Variants in IQANK1 observed in about 807,000 individuals in gnomAD.
IQANK1 encodes the protein IQ motif and ankyrin repeat domain-containing protein 1.
IQANK1 carries 30 observed loss-of-function variants against 22.6 expected under a neutral mutation model. The ratio of observed to expected loss-of-function variants is 1.33; its 90% CI spans 0.99 to 1.80. IQANK1 has a LOEUF of 1.80. Among genes scored for constraint, IQANK1 ranks in the 40% most tolerant of loss-of-function variants. The probability of loss-of-function intolerance (pLI) is 0.00; values close to 1 mark genes in which losing one functional copy is unlikely to be tolerated. For missense variants in IQANK1, 275 were observed against 235.2 expected (o/e 1.17, Z -1.11); for synonymous variants, 122 against 99.6 (o/e 1.23, Z -1.34).
At chr8:143,768,148 G>T (rs920396178) in intron 3 of IQANK1, among the ~76,000 whole-genome samples, 5 of 151,820 alleles carry the variant, frequency 3.3e-5, no homozygotes, top group African/African-American at 4.8e-5. Context: ...CTCCCAAAGT[G>T]CTGGGGTTAC....
At chr8:143,749,324 A>G (rs1819132996) in intron 3 of IQANK1, among the ~76,000 whole-genome samples, 1 of 54,112 alleles carries the variant, frequency 1.8e-5, no homozygotes, top group South Asian at 9.9e-4. Context: ...ATATATATAA[A>G]AATATATAAA....
intron 3 of IQANK1, among the ~76,000 whole-genome samples, chr8:143,749,219 TATATAA>T (rs572154552): frequency 0.054 from 6,644 of 123,584 alleles, 375 homozygotes; most frequent in African/African-American, 0.15. Flanking sequence ...ATATATATCA[TATATAA>T]ATATATACCT....
intron 3 of IQANK1, among the ~76,000 whole-genome samples, chr8:143,747,230 G>A (rs61646869): frequency 0.02 from 3,020 of 152,106 alleles, 94 homozygotes; most frequent in African/African-American, 0.061. Flanking sequence ...TTTTATTTCT[G>A]GTCTTGTAAA....
At chr8:143,789,655 C>T (rs1819980628) in intron 10 of IQANK1, 106 bp from the exon 11 acceptor site, 26 of 1,209,746 alleles carry the variant, frequency 2.1e-5, no homozygotes, top group South Asian at 4.2e-5. Flanking sequence ...AGTCACCAGC[C>T]GACAGTGGCC....
Position 143,771,462 on chromosome 8 carries a change from C to A in IQANK1, c.176-26C>A. 7.6e-6 allele frequency: 3 copies of A among 397,292 alleles called. No homozygotes were observed. The East Asian group carries it at 1.1e-4, about 14-fold the overall frequency. The allele number at this position is 397,292 out of a possible 1,614,324, so 24.6% of individuals were successfully genotyped here. A position where few individuals can be genotyped will look rare whatever the true frequency, so the allele number is the denominator to read the frequency against. On this transcript the variant is annotated intron_variant, in intron 3 of 13. Coordinates refer to ENST00000527139, the MANE Select transcript of IQANK1 (RefSeq NM_001381874.1). This position sits in a 1 kb window ranked among gnomAD's most constrained non-coding sequence, Gnocchi z 6.0. ...AGGCGTGGCTGGAGGCGAGAACGCG[C>A]CCCCGTGAGCCTCTCCCCACCCCAG... is the stretch of plus-strand genomic sequence containing the variant.
intron 1 of IQANK1, among the ~76,000 whole-genome samples, chr8:143,734,985 C>A (rs1818691463): frequency 6.6e-6 from 1 of 152,192 alleles, no homozygotes; most frequent in Admixed American, 6.5e-5. Flanking sequence ...CTCGCCCCTG[C>A]CACTCCCACC....
chr8:143,776,193 C>T (rs374368531), intron 7 of IQANK1, among the ~76,000 whole-genome samples: 22 of 151,576 alleles, frequency 1.5e-4, no homozygotes, highest in South Asian at 6.3e-4. Context: ...TGGTGGCGGG[C>T]GCCTGTAGTC....
rs946818410 is a variant in IQANK1 at position 143,790,045 on chromosome 8, C to T, written c.1270C>T (p.Arg424Cys). 93 of 1,232,004 alleles carry T rather than the reference C, an allele frequency of 7.5e-5. No individual in the cohort carries two copies. Among genetic ancestry groups the T allele is most frequent in the Non-Finnish European group, 9.0e-5 (89 of 988,030 alleles). The allele number at this position is 1,232,004 out of a possible 1,614,324, so 76.3% of individuals were successfully genotyped here. The change falls in exon 12 of 14, where the codon CGC becomes TGC. Residue 424 changes from arginine (R) to cysteine (C), a missense_variant. Transcript: ENST00000527139. ...TGTGCTGATGAAAGATGTAGGCAAC[C>T]GCATCCGTGCCGATGGCCGGTCAGT... is the stretch of plus-strand genomic sequence containing the variant. ...HDVLMKDVGN[R>C]IRADGRWPLV...
chr8:143,785,750 G>A (rs1265985633), intron 7 of IQANK1, among the ~76,000 whole-genome samples: 1 of 137,094 alleles, frequency 7.3e-6, no homozygotes, highest in East Asian at 2.2e-4. Flanking sequence ...TCTCTGAGAT[G>A]GAATCTTGCT....
intron 3 of IQANK1, among the ~76,000 whole-genome samples, chr8:143,759,990 A>G (rs1819366185): frequency 1.3e-5 from 2 of 152,194 alleles, no homozygotes; most frequent in African/African-American, 4.8e-5. Flanking sequence ...GCCCAGCTCG[A>G]GATGAACTTG....
Position 143,771,662 on chromosome 8 carries a change from AG to A in IQANK1, c.306+49del, listed in dbSNP as rs1340642302. The A allele has an allele frequency of 1.3e-5, 5 of 398,888 alleles. No individual in the cohort carries two copies. The East Asian group carries it at 1.4e-4, about 11-fold the overall frequency. The allele number at this position is 398,888 out of a possible 1,614,324, so 24.7% of individuals were successfully genotyped here. A position where few individuals can be genotyped will look rare whatever the true frequency, so the allele number is the denominator to read the frequency against. ...AACAGCCGGGGGCCAGGCAGGAGGC[AG>A]GGGGAGGAAATGGCGAAGCAGGGTG... is the stretch of plus-strand genomic sequence containing the variant. On this transcript the variant is annotated intron_variant, in intron 4 of 13. Transcript: ENST00000527139. This position sits in a 1 kb window ranked among gnomAD's most constrained non-coding sequence, Gnocchi z 6.0.
intron 3 of IQANK1, among the ~76,000 whole-genome samples, chr8:143,749,064 A>C (rs1455154147): frequency 3.3e-5 from 4 of 122,156 alleles, no homozygotes; most frequent in African/African-American, 1.3e-4. Context: ...ATATAAATAT[A>C]TATCATATAT....
intron 3 of IQANK1, among the ~76,000 whole-genome samples, chr8:143,757,629 G>T (rs1280411806): frequency 6.6e-6 from 1 of 152,008 alleles, no homozygotes; most frequent in African/African-American, 2.4e-5. Context: ...GAGCCACCAC[G>T]CTTGGCCACA....
chr8:143,747,685 A>T (rs1354729669), intron 3 of IQANK1, among the ~76,000 whole-genome samples: 1 of 151,542 alleles, frequency 6.6e-6, no homozygotes, highest in African/African-American at 2.4e-5. Flanking sequence ...CATTTTGTGA[A>T]TTTTCCACTT....
In IQANK1 at chr8:143,771,711, T is replaced by A. The variant is rs1554629792; in HGVS notation, c.307-90T>A. On this transcript the variant is annotated intron_variant, in intron 4 of 13. Transcript: ENST00000527139. This position sits in a 1 kb window ranked among gnomAD's most constrained non-coding sequence, Gnocchi z 6.0. ...GTGCGTGGTGGGGGTGAGGCTCAGA[T>A]CGGGCTCCGACCTCAGAGGCGTGGA... 5.0e-6 allele frequency: 2 copies of A among 396,424 alleles called. No homozygotes were observed. The highest frequency in any genetic ancestry group is 8.9e-6 in the Non-Finnish European group (2 of 225,194). The allele number at this position is 396,424 out of a possible 1,614,324, so 24.6% of individuals were successfully genotyped here. A position where few individuals can be genotyped will look rare whatever the true frequency, so the allele number is the denominator to read the frequency against.
rs149886880 is a variant in IQANK1, at chr8:143,759,104, C to T, written c.176-12384C>T. The T allele has an allele frequency of 2.6e-4, 86 of 324,638 alleles. No individual in the cohort carries two copies. The East Asian group carries it at 7.4e-3, about 28-fold the overall frequency. 20.1% of individuals were successfully genotyped at this position (324,638 alleles called of 1,614,324 possible). A position where few individuals can be genotyped will look rare whatever the true frequency, so the allele number is the denominator to read the frequency against. On this transcript the variant is annotated intron_variant, in intron 3 of 13. Coordinates refer to ENST00000527139, the MANE Select transcript of IQANK1 (RefSeq NM_001381874.1). ...GACATGACTCAATACTGATCTTCGA[C>T]TGCCATGAAGAGGTTCTGGAACACC...
chr8:143,779,981 A>C (rs1315151248), intron 7 of IQANK1, among the ~76,000 whole-genome samples: 1 of 152,198 alleles, frequency 6.6e-6, no homozygotes, highest in East Asian at 1.9e-4. Flanking sequence ...TTGATTTTAT[A>C]CATCTTCAGA....
intron 3 of IQANK1, among the ~76,000 whole-genome samples, chr8:143,770,477 C>G (rs1819551257): frequency 6.6e-6 from 1 of 152,256 alleles, no homozygotes; most frequent in Non-Finnish European, 1.5e-5. Flanking sequence ...CCACCCTGCC[C>G]CCGCTGGCTG....
chr8:143,759,913 A>C (rs1819363990), intron 3 of IQANK1: 1 of 152,188 alleles, frequency 6.6e-6, no homozygotes, highest in Non-Finnish European at 1.5e-5. Context: ...GGTTTCTGGG[A>C]TGTCTTTTTA....
Sources: allele counts gnomAD v4.1 joint callset (sites outside exome capture counted in the v4.1 genomes callset), GRCh38; gene constraint gnomAD v4.1.1; non-coding constraint Gnocchi (gnomAD v3.1); transcripts MANE v1.5; gene names NCBI Gene and HGNC (gene_info 2026-07-23, HGNC 2026-07-21).